Variants in ITPR2 observed in about 807,000 individuals in gnomAD.
ITPR2 encodes the protein inositol 1,4,5-trisphosphate-gated calcium channel ITPR2.
In ITPR2, 207 loss-of-function variants were observed where a neutral mutation model predicts 317.1. That is an observed-to-expected ratio of 0.65 (90% CI 0.58 to 0.73). ITPR2 has a LOEUF of 0.73. ITPR2 is among the 30% of genes least tolerant of loss of function. The pLI, the probability that ITPR2 is intolerant of heterozygous loss-of-function variation, is 0.00. For missense variants in ITPR2, 2,613 were observed against 3,284.0 expected, an observed-to-expected ratio of 0.80 and a Z score of 4.99; for synonymous variants, 1,156 against 1,149.1, an observed-to-expected ratio of 1.01 and a Z score of -0.12.
At chr12:26,815,572 T>C (rs1950838011) in intron 1 of ITPR2, among the ~76,000 whole-genome samples, 1 of 152,224 alleles carries the variant, frequency 6.6e-6, no homozygotes, top group Admixed American at 6.5e-5. Flanking sequence ...TGTAAATATA[T>C]GCTAAGCAAT....
At chr12:26,630,042 C>T (rs530331112) in intron 22 of ITPR2, among the ~76,000 whole-genome samples, 2 of 152,116 alleles carry the variant, frequency 1.3e-5, no homozygotes, top group Non-Finnish European at 2.9e-5. Flanking sequence ...ATTTGCAGGG[C>T]AGGAGACAGC....
At chr12:26,774,834 G>A (rs762915611) in intron 2 of ITPR2, among the ~76,000 whole-genome samples, 1 of 152,174 alleles carries the variant, frequency 6.6e-6, no homozygotes, top group African/African-American at 2.4e-5. Flanking sequence ...AGCAGGAACA[G>A]TGCAGAAGTG....
In ITPR2 at chr12:26,580,183, T is replaced by A. The variant is rs563220546; in HGVS notation, c.4381-28A>T. On this transcript the variant is annotated intron_variant, in intron 32 of 56. Coordinates refer to ENST00000381340, the MANE Select transcript of ITPR2 (RefSeq NM_002223.4). Reference sequence around the variant, plus strand: ...GGAGAGAAAATAAAACAACTCAATATGTTTTATCACATTTTTAAACCACAA... The same window carrying A: ...GGAGAGAAAATAAAACAACTCAATAAGTTTTATCACATTTTTAAACCACAA... 30 of 1,599,020 alleles carry A rather than the reference T, an allele frequency of 1.9e-5. No individual in the cohort carries two copies. In the South Asian group the frequency reaches 3.1e-4, roughly 16 times the overall value.
intron 34 of ITPR2, among the ~76,000 whole-genome samples, chr12:26,565,847 G>C (rs1944947133): frequency 9.2e-6 from 1 of 108,246 alleles, no homozygotes; most frequent in African/African-American, 3.6e-5. Context: ...GAGTAGAGAG[G>C]AGAGGAGAGG....
Position 26,628,030 on chromosome 12 carries a change from T to C in ITPR2, c.3064+3A>G, listed in dbSNP as rs746793981. ...AAGAGTAAATACTGTCACAAAAAGA[T>C]ACCTGATGGTAGTAAAGTGTCTGGA... On this transcript the variant is annotated splice_donor_region_variant and intron_variant, in intron 23 of 56. Transcript: ENST00000381340. 1.7e-5 allele frequency: 27 copies of C among 1,599,744 alleles called. No homozygotes were observed. The highest frequency in any genetic ancestry group is 2.3e-5 in the Non-Finnish European group (27 of 1,175,862).
At chr12:26,720,235 A>T (rs1046971908) in intron 5 of ITPR2, among the ~76,000 whole-genome samples, 23 of 152,160 alleles carry the variant, frequency 1.5e-4, no homozygotes, top group African/African-American at 5.5e-4. Context: ...TCGTCAGCCT[A>T]TTTATTGCAT....
In ITPR2 at chr12:26,711,117, C is replaced by A; in HGVS notation, c.951+56G>T. ...CGATGTCTTGTGGCGAACCCAACTG[C>A]CTCTTTCACTAATTCAGAGTCAGAA... On this transcript the variant is annotated intron_variant, in intron 9 of 56. Transcript: ENST00000381340. 3 of 1,202,472 alleles carry A rather than the reference C, an allele frequency of 2.5e-6. No homozygotes were observed. In the South Asian group the frequency reaches 3.7e-5, roughly 15 times the overall value. The allele number at this position is 1,202,472 out of a possible 1,614,324, so 74.5% of individuals were successfully genotyped here. A position where few individuals can be genotyped will look rare whatever the true frequency, so the allele number is the denominator to read the frequency against.
intron 51 of ITPR2, among the ~76,000 whole-genome samples, chr12:26,412,924 T>C (rs892615758): frequency 5.9e-5 from 9 of 152,028 alleles, no homozygotes; most frequent in Admixed American, 4.6e-4. Context: ...GTGAGAGCTA[T>C]GGTTGGAATG....
chr12:26,353,786 T>C (rs1007493547), intron 55 of ITPR2, among the ~76,000 whole-genome samples: 10 of 152,120 alleles, frequency 6.6e-5, no homozygotes, highest in African/African-American at 2.4e-4. Flanking sequence ...TCACTGTAGA[T>C]GACTTATTAG....
intron 11 of ITPR2, among the ~76,000 whole-genome samples, chr12:26,683,323 C>A (rs576901248): frequency 6.6e-6 from 1 of 152,258 alleles, no homozygotes; most frequent in South Asian, 2.1e-4. Flanking sequence ...TGATGCTCTG[C>A]CTTCTTGTCT....
At chr12:26,492,191 G>T (rs1942822957) in intron 39 of ITPR2, among the ~76,000 whole-genome samples, 1 of 152,138 alleles carries the variant, frequency 6.6e-6, no homozygotes, top group Admixed American at 6.5e-5. Context: ...GTCACTAGTG[G>T]CAAATGCCAC....
At chr12:26,598,485 A>G (rs1479860317) in intron 30 of ITPR2, among the ~76,000 whole-genome samples, 2 of 152,228 alleles carry the variant, frequency 1.3e-5, no homozygotes, top group Admixed American at 6.5e-5. Context: ...CGGTGATTTA[A>G]TCAACGGGCT....
chr12:26,469,792 G>A (rs910318208), intron 45 of ITPR2, among the ~76,000 whole-genome samples: 1 of 152,012 alleles, frequency 6.6e-6, no homozygotes, highest in Non-Finnish European at 1.5e-5. Context: ...CCTCCACAGT[G>A]GTAAACTGAT....
At chr12:26,341,717 A>C (rs1250468471) in intron 55 of ITPR2, among the ~76,000 whole-genome samples, 2 of 152,240 alleles carry the variant, frequency 1.3e-5, no homozygotes, top group Non-Finnish European at 2.9e-5. Context: ...ATCCTTCAGC[A>C]TCTATTGTTA....
rs67842212 is a variant in ITPR2 at position 26,336,980 on chromosome 12, G to GTTTTTTTTTTTTTTTTT, written c.*2416_*2417insAAAAAAAAAAAAAAAAA. The GTTTTTTTTTTTTTTTTT allele has an allele frequency of 7.3e-6, 1 of 137,264 alleles. No individual in the cohort carries two copies. The highest frequency in any genetic ancestry group is 1.6e-5 in the Non-Finnish European group (1 of 64,148). The allele number at this position is 137,264 out of a possible 1,614,324, so 8.5% of individuals were successfully genotyped here. On this transcript the variant is annotated 3_prime_UTR_variant, in exon 57 of 57. Coordinates refer to ENST00000381340, the MANE Select transcript of ITPR2 (RefSeq NM_002223.4). ...TTGTCTGCTTCGATTTTTTGTTGCTGTTTTTTTTTTTTTTGCTTTATAATT... is the reference window on the plus strand; with the variant it reads ...TTGTCTGCTTCGATTTTTTGTTGCTGTTTTTTTTTTTTTTTTTTTTTTTTTTTTTTTGCTTTATAATT...
intron 1 of ITPR2, among the ~76,000 whole-genome samples, chr12:26,807,297 G>C (rs772872017): frequency 6.6e-6 from 1 of 152,158 alleles, no homozygotes; most frequent in Admixed American, 6.5e-5. Context: ...TGAAATCTTA[G>C]TCATTGATTC....
At chr12:26,618,463 T>A (rs991250895) in intron 26 of ITPR2, among the ~76,000 whole-genome samples, 2 of 152,104 alleles carry the variant, frequency 1.3e-5, no homozygotes, top group African/African-American at 4.8e-5. Context: ...CATAACTAAT[T>A]CAGCAAAATG....
chr12:26,368,897 CT>C lies in ITPR2; in HGVS notation c.7857+18536del, dbSNP rs1336059148. On this transcript the variant is annotated intron_variant, in intron 55 of 56. Transcript: ENST00000381340. The stretch of plus-strand genomic sequence containing the variant: ...GCAACATGATGTCAGATTATGATAG[CT>C]GTTTTGGGGAAATGAAAAATCAGGG... 6.6e-5 allele frequency among the ~76,000 whole-genome samples: 10 copies of C among 152,242 alleles called. No individual in the cohort carries two copies. In the East Asian group the frequency reaches 1.9e-3, roughly 29 times the overall value.
At chr12:26,662,576 T>C (rs1388643574) in intron 15 of ITPR2, among the ~76,000 whole-genome samples, 1 of 152,222 alleles carries the variant, frequency 6.6e-6, no homozygotes, top group East Asian at 1.9e-4. Flanking sequence ...TCAAATGGAT[T>C]AAGAGAAACC....
Sources: gnomAD v4.1 joint callset for allele counts (sites outside exome capture counted in the v4.1 genomes callset) on GRCh38, gnomAD v4.1.1 for gene constraint, MANE v1.5 for transcripts, NCBI Gene and HGNC (gene_info 2026-07-23, HGNC 2026-07-21) for gene names.